NREP: variants seen among roughly 807,000 people sequenced by gnomAD.
NREP encodes the protein neuronal regeneration related protein.
In NREP, 5 loss-of-function variants were observed where a neutral mutation model predicts 8.6. The ratio of observed to expected loss-of-function variants is 0.58; its 90% confidence interval spans 0.30 to 1.22. The LOEUF is 1.22. Ranked by LOEUF, NREP falls within the 50% of genes most tolerant of loss-of-function variation. NREP has a pLI of 0.07. For missense variants in NREP, 86 were observed against 82.5 expected, an observed-to-expected ratio of 1.04 and a Z score of -0.17; for synonymous variants, 27 against 28.0, an observed-to-expected ratio of 0.96 and a Z score of 0.11.
At chr5:111,976,087 T>C (rs1199858550) in intron 1 of NREP, among the ~76,000 whole-genome samples, 1 of 152,192 alleles carries the variant, frequency 6.6e-6, no homozygotes, top group Non-Finnish European at 1.5e-5. Flanking sequence ...CAGGATTTTA[T>C]TGTGCATATT....
At chr5:111,950,699 GAAAA>G (rs199589410) in intron 2 of NREP, among the ~76,000 whole-genome samples, 1 of 118,854 alleles carries the variant, frequency 8.4e-6, no homozygotes. Flanking sequence ...AAATTTACAA[GAAAA>G]AAAAAAAAAA....
rs1755019769 is a variant in NREP at position 111,915,093 on chromosome 5, C to T, written c.135+60181G>A. On this transcript the variant is annotated intron_variant, in intron 2 of 3. Transcript: ENST00000395634. The stretch of plus-strand genomic sequence containing the variant: ...TGCTTGTTTCCTTGTGCTATTGCTT[C>T]CTGTGGCCTCATCAGGGACTTTTAT... Among the ~76,000 whole-genome samples, 4 of 152,076 alleles carry T rather than the reference C, an allele frequency of 2.6e-5. No homozygotes were observed. In the South Asian group the frequency reaches 6.2e-4, roughly 24 times the overall value.
chr5:111,819,906 C>T (rs1021302759), intron 2 of NREP, among the ~76,000 whole-genome samples: 4 of 152,094 alleles, frequency 2.6e-5, no homozygotes, highest in African/African-American at 9.7e-5. Flanking sequence ...TTTAAGAGAG[C>T]TTATTAATTG....
At chr5:111,906,313 A>G (rs191071871) in intron 2 of NREP, among the ~76,000 whole-genome samples, 8 of 134,918 alleles carry the variant, frequency 5.9e-5, no homozygotes, top group African/African-American at 1.5e-4. Context: ...TAGATTCACA[A>G]AGAAAAAAGA....
intron 3 of NREP, chr5:111,732,629 T>A (rs1010971448): frequency 7.1e-6 from 1 of 141,616 alleles, no homozygotes; most frequent in Non-Finnish European, 1.5e-5. Context: ...ATAATTTCAA[T>A]CTTGGAATCT....
intron 2 of NREP, among the ~76,000 whole-genome samples, chr5:111,787,990 T>C (rs984508297): frequency 6.6e-6 from 1 of 151,978 alleles, no homozygotes; most frequent in Admixed American, 6.6e-5. Flanking sequence ...CCCAGCTACT[T>C]TGGAAGCTGG....
intron 2 of NREP, among the ~76,000 whole-genome samples, chr5:111,881,587 G>C (rs1754072685): frequency 2.6e-5 from 4 of 152,138 alleles, no homozygotes; most frequent in Admixed American, 1.3e-4. Flanking sequence ...CCCCCAGTAG[G>C]GGCAGACTGA....
intron 2 of NREP, among the ~76,000 whole-genome samples, chr5:111,967,175 A>C (rs1756666064): frequency 6.6e-6 from 1 of 152,178 alleles, no homozygotes; most frequent in Non-Finnish European, 1.5e-5. Context: ...ACAGTGCTAG[A>C]TTGAGAAACC....
chr5:111,765,880 A>T (rs1011414931), intron 2 of NREP, among the ~76,000 whole-genome samples: 1 of 152,160 alleles, frequency 6.6e-6, no homozygotes, highest in African/African-American at 2.4e-5. Flanking sequence ...TTCAGGCAGA[A>T]CGATTTGTAA....
At chr5:111,853,153 T>A (rs1166385796) in intron 2 of NREP, among the ~76,000 whole-genome samples, 2 of 152,070 alleles carry the variant, frequency 1.3e-5, no homozygotes, top group Non-Finnish European at 2.9e-5. Context: ...AAAATAAATG[T>A]ATGATTCCAA....
intron 2 of NREP, among the ~76,000 whole-genome samples, chr5:111,743,162 A>C (rs1296618649): frequency 6.6e-6 from 1 of 152,170 alleles, no homozygotes; most frequent in Non-Finnish European, 1.5e-5. Flanking sequence ...ATGGGAAAAA[A>C]ATAAAGCAGC....
intron 2 of NREP, among the ~76,000 whole-genome samples, chr5:111,768,897 T>A (rs1297223353): frequency 6.6e-6 from 1 of 152,242 alleles, no homozygotes; most frequent in East Asian, 1.9e-4. Context: ...AATGCTGGGT[T>A]GAATGGTAGT....
At chr5:111,875,923 C>T (rs1753896319) in intron 2 of NREP, among the ~76,000 whole-genome samples, 1 of 152,166 alleles carries the variant, frequency 6.6e-6, no homozygotes, top group Non-Finnish European at 1.5e-5. Context: ...GATGGCCGAT[C>T]TGCCGTGAAA....
chr5:111,974,317 T>TA (rs1756902615), intron 2 of NREP: 1 of 152,202 alleles, frequency 6.6e-6, no homozygotes, highest in South Asian at 2.1e-4. Flanking sequence ...CAGCTGGTGT[T>TA]ACCCTCAAAG....
intron 2 of NREP, among the ~76,000 whole-genome samples, chr5:111,776,434 A>G (rs530925669): frequency 1.3e-5 from 2 of 152,284 alleles, no homozygotes; most frequent in African/African-American, 4.8e-5. Flanking sequence ...AGCTAAACAT[A>G]CACCTACCTA....
At chr5:111,971,107 T>C (rs939617389) in intron 2 of NREP, among the ~76,000 whole-genome samples, 1 of 152,220 alleles carries the variant, frequency 6.6e-6, no homozygotes, top group East Asian at 1.9e-4. Flanking sequence ...AGGAATTCAA[T>C]AGATTATGCT....
At chr5:111,793,061 A>G (rs1751788031) in intron 2 of NREP, among the ~76,000 whole-genome samples, 2 of 152,194 alleles carry the variant, frequency 1.3e-5, no homozygotes, top group Non-Finnish European at 2.9e-5. Flanking sequence ...GGCATGACAA[A>G]TGACAGAACT....
At chr5:111,826,971 C>A (rs1461037690) in intron 2 of NREP, among the ~76,000 whole-genome samples, 1 of 152,170 alleles carries the variant, frequency 6.6e-6, no homozygotes, top group Non-Finnish European at 1.5e-5. Flanking sequence ...TGCCTTATTA[C>A]AAATAATATT....
At chr5:111,881,702 C>T (rs932545698) in intron 2 of NREP, among the ~76,000 whole-genome samples, 4 of 152,188 alleles carry the variant, frequency 2.6e-5, no homozygotes, top group African/African-American at 9.7e-5. Context: ...GCCACCTCTG[C>T]AGATACCCCG....
Sources: allele counts gnomAD v4.1 joint callset (sites outside exome capture counted in the v4.1 genomes callset), GRCh38; gene constraint gnomAD v4.1.1; transcripts MANE v1.5; gene names NCBI Gene and HGNC (gene_info 2026-07-23, HGNC 2026-07-21).